MFSD6: variants seen among roughly 807,000 people sequenced by gnomAD.
MFSD6 encodes the protein major facilitator superfamily domain-containing protein 6.
Under a neutral mutation model 56.3 loss-of-function variants are expected in MFSD6, and 26 were observed. That is an observed-to-expected ratio of 0.46 (90% CI 0.34 to 0.64). MFSD6 has a LOEUF of 0.64. MFSD6 is among the 30% of genes least tolerant of loss of function. MFSD6 has a pLI of 0.01. For missense variants in MFSD6, 750 were observed against 986.2 expected, an observed-to-expected ratio of 0.76 and a Z score of 3.21; for synonymous variants, 331 against 366.9, an observed-to-expected ratio of 0.90 and a Z score of 1.12.
At chr2:190,460,780 G>T (rs765192938) in intron 3 of MFSD6, among the ~76,000 whole-genome samples, 1 of 152,190 alleles carries the variant, frequency 6.6e-6, no homozygotes, top group Non-Finnish European at 1.5e-5. Flanking sequence ...GATGGTGGCC[G>T]AGTGAGTCCA....
chr2:190,456,010 G>A lies in MFSD6; in HGVS notation c.1533-13748G>A, dbSNP rs1448717001. Among the ~76,000 whole-genome samples the A allele has an allele frequency of 1.6e-5, 2 of 122,428 alleles. No homozygotes were observed. The highest frequency in any genetic ancestry group is 2.8e-4 in the South Asian group (1 of 3,630). 80.3% of individuals were successfully genotyped at this position (122,428 alleles called of 152,430 possible). On this transcript the variant is annotated intron_variant, in intron 3 of 7. Coordinates refer to ENST00000392328, the MANE Select transcript of MFSD6 (RefSeq NM_017694.4). The surrounding 1 kb of genome is among the most constrained non-coding windows in gnomAD (Gnocchi z 5.4). Reference sequence around the variant, plus strand: ...GGCTGAAGTGCAGCGGCATGATCTCGGCTCACTGCAACCTCTGCCTCCTGG... The same window carrying A: ...GGCTGAAGTGCAGCGGCATGATCTCAGCTCACTGCAACCTCTGCCTCCTGG...
In MFSD6 at chr2:190,455,000, A is replaced by ATGTATATGTAT. The variant is rs1553519571; in HGVS notation, c.1533-14758_1533-14757insTGTATATGTAT. Among the ~76,000 whole-genome samples, 1,746 of 46,586 alleles carry ATGTATATGTAT rather than the reference A, an allele frequency of 0.037. 34 individuals are homozygous for ATGTATATGTAT. Among genetic ancestry groups the ATGTATATGTAT allele is most frequent in the East Asian group, 0.056 (73 of 1,314 alleles). 30.6% of individuals were successfully genotyped at this position (46,586 alleles called of 152,430 possible). On this transcript the variant is annotated intron_variant, in intron 3 of 7. Coordinates refer to ENST00000392328, the MANE Select transcript of MFSD6 (RefSeq NM_017694.4). The surrounding 1 kb of genome is among the most constrained non-coding windows in gnomAD (Gnocchi z 4.6). ...TATGTATATGTATATGTATATGTAT[A>ATGTATATGTAT]ATGTATATGTATATGTATATGTGTG...
chr2:190,418,194 C>T lies in MFSD6; in HGVS notation c.-54+2781C>T, dbSNP rs1690868349. Among the ~76,000 whole-genome samples the T allele has an allele frequency of 6.6e-6, 1 of 152,140 alleles. No homozygotes were observed. The highest frequency in any genetic ancestry group is 6.5e-5 in the Admixed American group (1 of 15,270). On this transcript the variant is annotated intron_variant, in intron 2 of 7. Transcript: ENST00000392328. This position sits in a 1 kb window ranked among gnomAD's most constrained non-coding sequence, Gnocchi z 4.1. ...CTGGTTATTTGCCTTCTCTGTGCCA[C>T]AGTTTCCTCATTGGTAAAACTGGGA...
rs981030623 is a variant in MFSD6, at chr2:190,463,947, C to G, written c.1533-5811C>G. 8.4e-6 allele frequency: 8 copies of G among 946,878 alleles called. No individual in the cohort carries two copies. The African/African-American group carries it at 1.2e-4, about 15-fold the overall frequency. 58.7% of individuals were successfully genotyped at this position (946,878 alleles called of 1,614,324 possible). The stretch of plus-strand genomic sequence containing the variant: ...GTTTATATATGAGGCAGACTGTAGA[C>G]TGTGCTCCAGGGATCTGGTGTCAAC... On this transcript the variant is annotated intron_variant, in intron 3 of 7. Transcript: ENST00000392328. The surrounding 1 kb of genome is among the most constrained non-coding windows in gnomAD (Gnocchi z 4.4).
rs926965545 is a variant in MFSD6, at chr2:190,415,438, T to C, written c.-54+25T>C. The C allele has an allele frequency of 7.9e-5, 12 of 151,998 alleles. No homozygotes were observed. The highest frequency in any genetic ancestry group is 5.2e-4 in the Admixed American group (8 of 15,240). 9.4% of individuals were successfully genotyped at this position (151,998 alleles called of 1,614,324 possible). A position where few individuals can be genotyped will look rare whatever the true frequency, so the allele number is the denominator to read the frequency against. On this transcript the variant is annotated intron_variant, in intron 2 of 7. Transcript: ENST00000392328. This position sits in a 1 kb window ranked among gnomAD's most constrained non-coding sequence, Gnocchi z 4.5. The stretch of plus-strand genomic sequence containing the variant: ...GGTATGAACCACCATGCCTGACTCA[T>C]TAAAAAAAAATTGTAGACATGGGAT...
rs750566034 is a variant in MFSD6, at chr2:190,491,591, A to T, written c.1891+1725A>T. Among the ~76,000 whole-genome samples the T allele has an allele frequency of 2.6e-5, 4 of 152,234 alleles. No homozygotes were observed. The highest frequency in any genetic ancestry group is 5.9e-5 in the Non-Finnish European group (4 of 68,036). ...ACTACAGCCTGGCTGTCAGGAAGCC[A>T]CATCCCTCAGAAAACAGGGAGAGTA... is the stretch of plus-strand genomic sequence containing the variant. On this transcript the variant is annotated intron_variant, in intron 6 of 7. Coordinates refer to ENST00000392328, the MANE Select transcript of MFSD6 (RefSeq NM_017694.4). This position sits in a 1 kb window ranked among gnomAD's most constrained non-coding sequence, Gnocchi z 4.2.
chr2:190,411,930 T>C, intron 1 of MFSD6: 4 of 985,400 alleles, frequency 4.1e-6, no homozygotes, highest in Non-Finnish European at 4.8e-6. Context: ...GGAAGCATGA[T>C]TGTTCTGTAC....
At position 190,425,266 on chromosome 2, in the gene MFSD6, A is replaced by G. The variant is rs370555954; in HGVS notation, c.-54+9853A>G. Among the ~76,000 whole-genome samples the G allele has an allele frequency of 2.6e-5, 4 of 152,220 alleles. No individual in the cohort carries two copies. The highest frequency in any genetic ancestry group is 9.6e-5 in the African/African-American group (4 of 41,466). The stretch of plus-strand genomic sequence containing the variant: ...ATAGGTTTCTTGGGATTTTCTACCT[A>G]GTCATGTTAACTGCAAATAGGGACA... On this transcript the variant is annotated intron_variant, in intron 2 of 7. Coordinates refer to ENST00000392328, the MANE Select transcript of MFSD6 (RefSeq NM_017694.4). The surrounding 1 kb of genome is among the most constrained non-coding windows in gnomAD (Gnocchi z 4.3).
chr2:190,482,872 T>TG, intron 4 of MFSD6, among the ~76,000 whole-genome samples: 4 of 20,576 alleles, frequency 1.9e-4, no homozygotes, highest in Admixed American at 1.3e-3. Flanking sequence ...TATCATCTTT[T>TG]TTTTTTTTTT....
intron 3 of MFSD6, among the ~76,000 whole-genome samples, chr2:190,445,448 C>T (rs554160854): frequency 1.2e-5 from 1 of 83,898 alleles, no homozygotes; most frequent in Admixed American, 1.5e-4. Context: ...TTTTAAAAAG[C>T]CCCAATCACA....
chr2:190,482,748 C>T (rs1688745226), intron 4 of MFSD6, among the ~76,000 whole-genome samples: 1 of 151,616 alleles, frequency 6.6e-6, no homozygotes, highest in Admixed American at 6.6e-5. Flanking sequence ...TTTTGAAATG[C>T]ATGTTGTACA....
Position 190,418,125 on chromosome 2 carries a change from C to T in MFSD6, c.-54+2712C>T, listed in dbSNP as rs1039298433. Among the ~76,000 whole-genome samples the T allele has an allele frequency of 6.6e-6, 1 of 152,082 alleles. No individual in the cohort carries two copies. The highest frequency in any genetic ancestry group is 1.5e-5 in the Non-Finnish European group (1 of 68,018). ...TGCACAGTGCATTGAGAGTCAGTACCTGCTAAGAGCAGCACTGCTACTCAT... is the reference window on the plus strand; with the variant it reads ...TGCACAGTGCATTGAGAGTCAGTACTTGCTAAGAGCAGCACTGCTACTCAT... On this transcript the variant is annotated intron_variant, in intron 2 of 7. Transcript: ENST00000392328. The surrounding 1 kb of genome is among the most constrained non-coding windows in gnomAD (Gnocchi z 4.1).
Position 190,467,909 on chromosome 2 carries a change from C to T in MFSD6, c.1533-1849C>T, listed in dbSNP as rs947942752. On this transcript the variant is annotated intron_variant, in intron 3 of 7. Transcript: ENST00000392328. This position sits in a 1 kb window ranked among gnomAD's most constrained non-coding sequence, Gnocchi z 5.5. Reference sequence around the variant, plus strand: ...ATGCTACAGCAGCAGAGCTGAGGAGCTGCAACAGAGACCATGTAGCTCGTG... The same window carrying T: ...ATGCTACAGCAGCAGAGCTGAGGAGTTGCAACAGAGACCATGTAGCTCGTG... Among the ~76,000 whole-genome samples the T allele has an allele frequency of 1.3e-5, 2 of 152,192 alleles. No individual in the cohort carries two copies. The highest frequency in any genetic ancestry group is 1.3e-4 in the Admixed American group (2 of 15,276).
Position 190,489,886 on chromosome 2 carries a change from C to A in MFSD6, c.1891+20C>A, listed in dbSNP as rs1350087384. 2 of 1,604,264 alleles carry A rather than the reference C, an allele frequency of 1.2e-6. No homozygotes were observed. The highest frequency in any genetic ancestry group is 2.2e-5 in the East Asian group (1 of 44,726). Reference sequence around the variant, plus strand: ...AAGAAGGTAATTATTTCCATTCTTTCTTAATATTCCTAACAGTTCAGGCCA... The same window carrying A: ...AAGAAGGTAATTATTTCCATTCTTTATTAATATTCCTAACAGTTCAGGCCA... On this transcript the variant is annotated intron_variant, in intron 6 of 7. Coordinates refer to ENST00000392328, the MANE Select transcript of MFSD6 (RefSeq NM_017694.4). This position sits in a 1 kb window ranked among gnomAD's most constrained non-coding sequence, Gnocchi z 6.6.
rs1160047434 is a variant in MFSD6 at position 190,458,849 on chromosome 2, A to C, written c.1533-10909A>C. On this transcript the variant is annotated intron_variant, in intron 3 of 7. Coordinates refer to ENST00000392328, the MANE Select transcript of MFSD6 (RefSeq NM_017694.4). The surrounding 1 kb of genome is among the most constrained non-coding windows in gnomAD (Gnocchi z 5.3). ...CAGAACCTGCATCTCTCCCTCTATTAGCTCTGTCTCCTTTTGGGCAGGCTT... is the reference window on the plus strand; with the variant it reads ...CAGAACCTGCATCTCTCCCTCTATTCGCTCTGTCTCCTTTTGGGCAGGCTT... Among the ~76,000 whole-genome samples the C allele has an allele frequency of 6.6e-6, 1 of 152,180 alleles. No individual in the cohort carries two copies. The highest frequency in any genetic ancestry group is 1.5e-5 in the Non-Finnish European group (1 of 68,034).
rs1574273739 is a variant in MFSD6 at position 190,498,923 on chromosome 2, G to T, written c.2173-1092G>T. The stretch of plus-strand genomic sequence containing the variant: ...CAAGCACTTTGGGAGGCCGAGGTGG[G>T]TGGATCACGAGGTCAGGAGTTCAAG... On this transcript the variant is annotated intron_variant, in intron 7 of 7. Coordinates refer to ENST00000392328, the MANE Select transcript of MFSD6 (RefSeq NM_017694.4). This position sits in a 1 kb window ranked among gnomAD's most constrained non-coding sequence, Gnocchi z 5.9. Among the ~76,000 whole-genome samples, 1 of 152,140 alleles carries T rather than the reference G, an allele frequency of 6.6e-6. No individual in the cohort carries two copies. Among genetic ancestry groups the T allele is most frequent in the East Asian group, 1.9e-4 (1 of 5,194 alleles).
chr2:190,495,922 T>C lies in MFSD6; in HGVS notation c.1892-1517T>C, dbSNP rs1222208413. ...AACATCAGAAAAACCCTTCTAGACA[T>C]TGGCTTAGGCAGAGATTTCGTGACC... On this transcript the variant is annotated intron_variant, in intron 6 of 7. Coordinates refer to ENST00000392328, the MANE Select transcript of MFSD6 (RefSeq NM_017694.4). This position sits in a 1 kb window ranked among gnomAD's most constrained non-coding sequence, Gnocchi z 4.7. 2.0e-5 allele frequency among the ~76,000 whole-genome samples: 3 copies of C among 152,168 alleles called. No homozygotes were observed. The highest frequency in any genetic ancestry group is 4.4e-5 in the Non-Finnish European group (3 of 68,028).
At position 190,438,536 on chromosome 2, in the gene MFSD6, A is replaced by C. The variant is rs951110617; in HGVS notation, c.1532+975A>C. Reference sequence around the variant, plus strand: ...ATCTAAAAAAAGAGAACACCCTGTAAGTGCCTAGTGTTTCTTGTTGTGTAC... The same window carrying C: ...ATCTAAAAAAAGAGAACACCCTGTACGTGCCTAGTGTTTCTTGTTGTGTAC... On this transcript the variant is annotated intron_variant, in intron 3 of 7. Transcript: ENST00000392328. The surrounding 1 kb of genome is among the most constrained non-coding windows in gnomAD (Gnocchi z 5.2). Among the ~76,000 whole-genome samples, 2 of 152,214 alleles carry C rather than the reference A, an allele frequency of 1.3e-5. No homozygotes were observed. Among genetic ancestry groups the C allele is most frequent in the African/African-American group, 4.8e-5 (2 of 41,454 alleles).
intron 1 of MFSD6, among the ~76,000 whole-genome samples, chr2:190,408,843 C>T (rs995529816): frequency 1.6e-4 from 25 of 152,294 alleles, no homozygotes; most frequent in African/African-American, 6.0e-4. Context: ...AGGCGCTGCC[C>T]AGGGAGCCCT....
Sources: gnomAD v4.1 joint callset for allele counts (sites outside exome capture counted in the v4.1 genomes callset) on GRCh38, gnomAD v4.1.1 for gene constraint, Gnocchi (gnomAD v3.1) non-coding constraint, MANE v1.5 for transcripts, NCBI Gene and HGNC (gene_info 2026-07-23, HGNC 2026-07-21) for gene names.